The following KIF5B variants were observed in gnomAD, a reference collection of about 807,000 sequenced individuals.
KIF5B encodes kinesin family member 5B.
KIF5B carries 49 observed loss-of-function variants against 132.8 expected under a neutral mutation model. The observed-to-expected ratio is 0.37, with a 90% CI of 0.29 to 0.47. KIF5B has a LOEUF of 0.47. Among genes scored for constraint, KIF5B ranks in the 20% least tolerant of loss-of-function variants. KIF5B has a pLI of 1.00. For missense variants in KIF5B, 780 were observed against 1,144.0 expected, an observed-to-expected ratio of 0.68 and a Z score of 4.59; for synonymous variants, 355 against 369.4, an observed-to-expected ratio of 0.96 and a Z score of 0.45.
intron 23 of KIF5B, among the ~76,000 whole-genome samples, chr10:32,017,698 T>A (rs572412321): frequency 6.6e-6 from 1 of 152,264 alleles, no homozygotes; most frequent in East Asian, 1.9e-4. Context: ...TCTGACACAC[T>A]GGGGTATTAG....
chr10:32,027,958 G>A (rs765529860), intron 15 of KIF5B, among the ~76,000 whole-genome samples: 3 of 151,822 alleles, frequency 2.0e-5, no homozygotes, highest in Non-Finnish European at 4.4e-5. Context: ...ATTTATTAAC[G>A]TAATTTTTAA....
Position 32,017,790 on chromosome 10 carries a change from GAATA to G in KIF5B, c.2544+258_2544+261del, listed in dbSNP as rs529811243. Among the ~76,000 whole-genome samples the G allele has an allele frequency of 2.2e-3, 328 of 152,222 alleles. 1 individual carries two copies. Among genetic ancestry groups the G allele is most frequent in the African/African-American group, 7.2e-3 (299 of 41,530 alleles). Reference sequence around the variant, plus strand: ...GTAGTAGAGATTTCAAAATTACCATGAATAAATTATGAAAATGCACAGTCTTAAA... The same window carrying G: ...GTAGTAGAGATTTCAAAATTACCATGAATTATGAAAATGCACAGTCTTAAA... On this transcript the variant is annotated intron_variant, in intron 23 of 25. Coordinates refer to ENST00000302418, the MANE Select transcript of KIF5B (RefSeq NM_004521.3).
At chr10:32,015,441 A>C in intron 25 of KIF5B, 68 bp downstream of exon 25, 1 of 1,275,104 alleles carries the variant, frequency 7.8e-7, no homozygotes, top group Non-Finnish European at 1.1e-6. Flanking sequence ...ATTTTTTAAA[A>C]CCAAAAAACC....
At position 32,027,975 on chromosome 10, in the gene KIF5B, AT is replaced by A. The variant is rs879774407; in HGVS notation, c.1725+452del. Among the ~76,000 whole-genome samples, 283 of 146,090 alleles carry A rather than the reference AT, an allele frequency of 1.9e-3. 1 individual carries two copies. The highest frequency in any genetic ancestry group is 6.1e-3 in the African/African-American group (243 of 40,094). ...TTATTAACGTAATTTTTAAGCACGA[AT>A]TTTTTTTTTTTCTGGAGACAGCATC... On this transcript the variant is annotated intron_variant, in intron 15 of 25. Transcript: ENST00000302418.
chr10:32,035,718 T>C (rs756955064), intron 9 of KIF5B, 51 bp from the exon 10 acceptor site: 1 of 1,531,814 alleles, frequency 6.5e-7, no homozygotes, highest in Non-Finnish European at 8.8e-7. Flanking sequence ...TAAAATGTTA[T>C]TATAAAATAA....
At chr10:32,028,732 CA>C (rs768612751) in intron 14 of KIF5B, among the ~76,000 whole-genome samples, 161 bp from the exon 15 acceptor site, 12 of 152,154 alleles carry the variant, frequency 7.9e-5, no homozygotes, top group Non-Finnish European at 1.8e-4. Context: ...GCTCCCAGCT[CA>C]AACTTAAAAT....
chr10:32,055,226 T>C (rs542537651), intron 1 of KIF5B, among the ~76,000 whole-genome samples: 2 of 152,260 alleles, frequency 1.3e-5, no homozygotes, highest in Admixed American at 6.5e-5. Flanking sequence ...AATCATCGAT[T>C]TGCCATTTGT....
intron 14 of KIF5B, among the ~76,000 whole-genome samples, chr10:32,030,200 T>C (rs1841384737): frequency 1.3e-5 from 2 of 152,214 alleles, no homozygotes; most frequent in Admixed American, 6.5e-5. Flanking sequence ...GTCTGTCCTG[T>C]ATCAATTTTC....
rs1222298158 is a variant in KIF5B, at chr10:32,021,109, T to C, written c.2117A>G (p.Gln706Arg). The C allele has an allele frequency of 1.2e-6, 2 of 1,613,794 alleles. No individual in the cohort carries two copies. Among genetic ancestry groups the C allele is most frequent in the Non-Finnish European group, 1.7e-6 (2 of 1,179,850 alleles). Residue 706 changes from glutamine (Q) to arginine (R), a missense_variant, in exon 19 of 26, where the codon CAG (glutamine) becomes CGG (arginine). This residue lies in a region of KIF5B where 471 missense variants were observed against 569.9 expected (regional missense o/e 0.83). Coordinates refer to ENST00000302418, the MANE Select transcript of KIF5B (RefSeq NM_004521.3). ...EVKQAVEQQI[Q>R]SHRETHQKQI... ...TTTTTGATGAGTTTCTCTATGGCTC[T>C]GGATCTGCTGTTCAACAGCTTGCTA...
rs147291646 is a variant in KIF5B, at chr10:32,010,444, T to C, written c.*1093A>G. The stretch of plus-strand genomic sequence containing the variant: ...TAAAGAAATAAATTAGTGTACAAAT[T>C]AGTGTAGCAGGTTAAAAACACCTCA... On this transcript the variant is annotated 3_prime_UTR_variant, in exon 26 of 26. Transcript: ENST00000302418. 115 of 152,342 alleles carry C rather than the reference T, an allele frequency of 7.5e-4. No individual in the cohort carries two copies. The highest frequency in any genetic ancestry group is 2.7e-3 in the African/African-American group (112 of 41,592). The allele number at this position is 152,342 out of a possible 1,614,324, so 9.4% of individuals were successfully genotyped here. A position where few individuals can be genotyped will look rare whatever the true frequency, so the allele number is the denominator to read the frequency against.
At chr10:32,032,640 C>A in intron 13 of KIF5B, 66 bp downstream of exon 13, 1 of 1,226,950 alleles carries the variant, frequency 8.2e-7, no homozygotes. Flanking sequence ...AAGACAAAGT[C>A]AATGGGATTC....
intron 2 of KIF5B, among the ~76,000 whole-genome samples, chr10:32,044,886 C>T (rs1466865374): frequency 6.6e-6 from 1 of 152,048 alleles, no homozygotes; most frequent in Non-Finnish European, 1.5e-5. Context: ...TATACTCTTA[C>T]CATATTACAG....
Position 32,024,201 on chromosome 10 carries a change from C to CTGGA in KIF5B, c.1726-1169_1726-1166dup, listed in dbSNP as rs1387430347. 2.6e-5 allele frequency among the ~76,000 whole-genome samples: 3 copies of CTGGA among 113,894 alleles called. No individual in the cohort carries two copies. In the Admixed American group the frequency reaches 3.5e-4, roughly 13 times the overall value. 74.7% of individuals were successfully genotyped at this position (113,894 alleles called of 152,430 possible). ...ACGGAGTCTCGCTCTGTCGCCCAGG[C>CTGGA]TGGAGTGCAGTGGCGGGATCTCGGC... On this transcript the variant is annotated intron_variant, in intron 15 of 25. Transcript: ENST00000302418.
chr10:32,031,730 G>A (rs944369598), intron 13 of KIF5B, among the ~76,000 whole-genome samples: 1 of 151,140 alleles, frequency 6.6e-6, no homozygotes, highest in African/African-American at 2.4e-5. Context: ...CAGGCGGGGT[G>A]GCTCACGCCT....
chr10:32,036,023 C>G lies in KIF5B; in HGVS notation c.712-29G>C, dbSNP rs770108491. 6 of 1,399,060 alleles carry G rather than the reference C, an allele frequency of 4.3e-6. No individual in the cohort carries two copies. In the East Asian group the frequency reaches 1.4e-4, roughly 33 times the overall value. The allele number at this position is 1,399,060 out of a possible 1,614,324, so 86.7% of individuals were successfully genotyped here. A position where few individuals can be genotyped will look rare whatever the true frequency, so the allele number is the denominator to read the frequency against. ...TACATAAGATTTCAAAAGAATGAAA[C>G]AAAATTACAAGTTTATAATTTTCTT... On this transcript the variant is annotated intron_variant, in intron 8 of 25. Transcript: ENST00000302418.
At chr10:32,025,842 A>G (rs1208251185) in intron 15 of KIF5B, among the ~76,000 whole-genome samples, 1 of 152,278 alleles carries the variant, frequency 6.6e-6, no homozygotes, top group Non-Finnish European at 1.5e-5. Flanking sequence ...TCTTAAATGC[A>G]TACTGGTAAG....
rs200740184 is a variant in KIF5B at position 32,053,231 on chromosome 10, T to G, written c.126+2617A>C. 1.8e-4 allele frequency among the ~76,000 whole-genome samples: 27 copies of G among 152,292 alleles called. No homozygotes were observed. In the East Asian group the frequency reaches 5.0e-3, roughly 28 times the overall value. ...ACAGATTTTCCAATTCCGCTCCTCCTGGCTGCTCTTATAACCTTTTACAAA... is the reference window on the plus strand; with the variant it reads ...ACAGATTTTCCAATTCCGCTCCTCCGGGCTGCTCTTATAACCTTTTACAAA... On this transcript the variant is annotated intron_variant, in intron 1 of 25. Transcript: ENST00000302418.
intron 17 of KIF5B, among the ~76,000 whole-genome samples, chr10:32,021,634 C>G (rs1422572706): frequency 6.6e-6 from 1 of 151,738 alleles, no homozygotes; most frequent in Non-Finnish European, 1.5e-5. Context: ...TGGGAAATCC[C>G]CAGATTGGCT....
At chr10:32,018,738 T>C (rs1841215675) in intron 20 of KIF5B, among the ~76,000 whole-genome samples, 176 bp from the exon 21 acceptor site, 1 of 152,166 alleles carries the variant, frequency 6.6e-6, no homozygotes, top group South Asian at 2.1e-4. Flanking sequence ...AAATTTTTTT[T>C]TTTTTGACAC....
Sources: gnomAD v4.1 joint callset for allele counts (sites outside exome capture counted in the v4.1 genomes callset) on GRCh38, gnomAD v4.1.1 for gene constraint, gnomAD v4.1.1 regional missense constraint, MANE v1.5 for transcripts, NCBI Gene and HGNC (gene_info 2026-07-23, HGNC 2026-07-21) for gene names.